Variants in MCUB observed in about 807,000 individuals in gnomAD.
MCUB encodes the protein calcium uniporter regulatory subunit MCUb, mitochondrial.
MCUB carries 46 observed loss-of-function variants against 41.4 expected under a neutral mutation model. That is an observed-to-expected ratio of 1.11 (90% CI 0.88 to 1.42). The LOEUF (loss-of-function observed/expected upper bound fraction) is 1.42. Among genes scored for constraint, MCUB ranks in the 40% most tolerant of loss-of-function variants. The pLI, the probability that MCUB is intolerant of heterozygous loss-of-function variation, is 0.00. For synonymous variants in MCUB, 148 were observed against 148.2 expected, an observed-to-expected ratio of 1.00 and a Z score of 0.01; for missense variants, 403 against 404.9, an observed-to-expected ratio of 1.00 and a Z score of 0.04.
intron 1 of MCUB, among the ~76,000 whole-genome samples, chr4:109,639,003 T>C (rs1728655544): frequency 1.3e-5 from 2 of 152,204 alleles, no homozygotes; most frequent in South Asian, 4.1e-4. Context: ...CTCAAAGTCA[T>C]CCGAGAGGGT....
intron 1 of MCUB, among the ~76,000 whole-genome samples, chr4:109,599,725 G>A (rs982441375): frequency 2.6e-5 from 4 of 151,836 alleles, no homozygotes; most frequent in African/African-American, 9.7e-5. Context: ...GGCTGGAACA[G>A]TGGCACAATC....
At chr4:109,560,658 A>C (rs1482174987) in intron 1 of MCUB, among the ~76,000 whole-genome samples, 1 of 152,092 alleles carries the variant, frequency 6.6e-6, no homozygotes, top group Non-Finnish European at 1.5e-5. Context: ...GGGGAAGGTG[A>C]AGCCAGAGCG....
At chr4:109,672,071 T>C (rs1250898404) in intron 4 of MCUB, among the ~76,000 whole-genome samples, 1 of 151,830 alleles carries the variant, frequency 6.6e-6, no homozygotes, top group African/African-American at 2.4e-5. Flanking sequence ...TATAATCTTA[T>C]TATTAAATAT....
At chr4:109,664,422 C>CTT (rs11405576) in intron 4 of MCUB, 28 bp downstream of exon 4, 10,364 of 612,132 alleles carry the variant, frequency 0.017, 5 homozygotes, top group Middle Eastern at 0.021. Flanking sequence ...CCAACTATTA[C>CTT]TTTTTTTTTT....
chr4:109,607,058 T>G (rs1727892302), intron 1 of MCUB, among the ~76,000 whole-genome samples: 2 of 152,102 alleles, frequency 1.3e-5, no homozygotes, highest in Non-Finnish European at 2.9e-5. Flanking sequence ...ATAGTTATTA[T>G]TTTTTATTGG....
At position 109,660,260 on chromosome 4, in the gene MCUB, C is replaced by T. The variant is rs760280798; in HGVS notation, c.241C>T (p.Arg81Cys). The change falls in exon 3 of 8, where the codon CGT becomes TGT. Residue 81 changes from arginine (R) to cysteine (C), a missense_variant. Physicochemically the swap from Arg to Cys is radical, Grantham distance 180. Transcript: ENST00000394650. Reference protein sequence around the residue: ...VTLTLPSRKERCQFVVKPMLS... With the variant: ...VTLTLPSRKECCQFVVKPMLS... ...ACTTACCTTGCCATCTAGAAAAGAA[C>T]GTTGTCAATTCGTAGTCAAACCAAT... 1.1e-5 allele frequency: 17 copies of T among 1,599,822 alleles called. No homozygotes were observed. The highest frequency in any genetic ancestry group is 9.4e-5 in the African/African-American group (7 of 74,464).
chr4:109,621,923 C>A (rs1386217979), intron 1 of MCUB, among the ~76,000 whole-genome samples: 2 of 151,986 alleles, frequency 1.3e-5, no homozygotes, highest in Non-Finnish European at 2.9e-5. Flanking sequence ...ACTCTGTCAC[C>A]CAGGCTGGAG....
At chr4:109,579,753 GTTA>G (rs1727125312) in intron 1 of MCUB, among the ~76,000 whole-genome samples, 1 of 152,122 alleles carries the variant, frequency 6.6e-6, no homozygotes, top group Non-Finnish European at 1.5e-5. Flanking sequence ...AGAGCTGTGT[GTTA>G]TTGCCAACTT....
chr4:109,687,601 T>A lies in MCUB; in HGVS notation c.*9T>A. ...TCAATGAAAAGAATTAATCTTACAG[T>A]TTTAAATGTCGTCAGATTTTCCATT... On this transcript the variant is annotated 3_prime_UTR_variant, in exon 8 of 8. Coordinates refer to ENST00000394650, the MANE Select transcript of MCUB (RefSeq NM_017918.5). 6.3e-7 allele frequency: 1 copy of A among 1,574,996 alleles called. No individual in the cohort carries two copies. The highest frequency in any genetic ancestry group is 8.7e-7 in the Non-Finnish European group (1 of 1,147,348).
At position 109,687,583 on chromosome 4, in the gene MCUB, AAAGAATTAATCTT is replaced by A; in HGVS notation, c.1004_*5del. The stretch of plus-strand genomic sequence containing the variant: ...AAATGCAAGTAGAAGAACTCAATGA[AAAGAATTAATCTT>A]ACAGTTTTAAATGTCGTCAGATTTT... On this transcript the variant is annotated stop_lost and 3_prime_UTR_variant, in exon 8 of 8. Coordinates refer to ENST00000394650, the MANE Select transcript of MCUB (RefSeq NM_017918.5). 6.2e-7 allele frequency: 1 copy of A among 1,604,576 alleles called. No homozygotes were observed. The highest frequency in any genetic ancestry group is 8.5e-7 in the Non-Finnish European group (1 of 1,171,788).
chr4:109,609,956 C>G (rs901624651), intron 1 of MCUB, among the ~76,000 whole-genome samples: 2 of 152,160 alleles, frequency 1.3e-5, no homozygotes, highest in African/African-American at 4.8e-5. Flanking sequence ...GTTCTCTGTT[C>G]TACTGCAGCT....
intron 1 of MCUB, among the ~76,000 whole-genome samples, chr4:109,645,214 A>G (rs1728807408): frequency 6.6e-6 from 1 of 152,150 alleles, no homozygotes; most frequent in South Asian, 2.1e-4. Flanking sequence ...AAGTTATCTT[A>G]AATTAGTGTT....
intron 1 of MCUB, among the ~76,000 whole-genome samples, chr4:109,642,608 C>A (rs1470523190): frequency 7.7e-6 from 1 of 129,090 alleles, no homozygotes; most frequent in African/African-American, 3.2e-5. Flanking sequence ...TTTTTCTTCA[C>A]CCCAGGTTAA....
chr4:109,571,451 T>C (rs1264398905), intron 1 of MCUB, among the ~76,000 whole-genome samples: 2 of 152,190 alleles, frequency 1.3e-5, no homozygotes, highest in Non-Finnish European at 2.9e-5. Flanking sequence ...TAGCTGGGAC[T>C]ATAGGCACAC....
intron 2 of MCUB, 115 bp from the exon 3 acceptor site, chr4:109,660,079 AT>A: frequency 1.6e-6 from 1 of 618,058 alleles, no homozygotes; most frequent in Non-Finnish European, 2.9e-6. Flanking sequence ...ACAAATTTTT[AT>A]AAGACTTCAG....
intron 4 of MCUB, among the ~76,000 whole-genome samples, chr4:109,672,587 A>G (rs2126148251): frequency 6.6e-6 from 1 of 152,370 alleles, no homozygotes; most frequent in South Asian, 2.1e-4. Flanking sequence ...ATCAACAAAT[A>G]ATAGAAGGCT....
intron 1 of MCUB, among the ~76,000 whole-genome samples, chr4:109,638,771 T>G (rs980848698): frequency 6.6e-6 from 1 of 152,218 alleles, no homozygotes; most frequent in African/African-American, 2.4e-5. Context: ...TCTAAATCCT[T>G]TGTTATCATT....
intron 1 of MCUB, among the ~76,000 whole-genome samples, chr4:109,647,499 T>C (rs1051509846): frequency 6.6e-6 from 1 of 152,230 alleles, no homozygotes; most frequent in Non-Finnish European, 1.5e-5. Flanking sequence ...TCCATGTCTT[T>C]TCATGGCTTG....
chr4:109,601,549 A>G (rs1727744732), intron 1 of MCUB, among the ~76,000 whole-genome samples: 1 of 151,996 alleles, frequency 6.6e-6, no homozygotes, highest in Non-Finnish European at 1.5e-5. Context: ...ATTTCTATTC[A>G]TGTTGCAAAT....
Sources: gnomAD v4.1 joint callset for allele counts (sites outside exome capture counted in the v4.1 genomes callset) on GRCh38, gnomAD v4.1.1 for gene constraint, MANE v1.5 for transcripts, NCBI Gene and HGNC (gene_info 2026-07-23, HGNC 2026-07-21) for gene names.